ASXL3: variants seen among roughly 807,000 people sequenced by gnomAD.
ASXL3 encodes ASXL transcriptional regulator 3.
A neutral mutation model predicts 170.6 loss-of-function variants in ASXL3; 34 were observed. The ratio of observed to expected loss-of-function variants is 0.20; its 90% CI spans 0.15 to 0.27. The LOEUF is 0.27. ASXL3 is among the 10% of genes least tolerant of loss of function. The pLI is 1.00. For missense variants in ASXL3, 2,592 were observed against 2,695.3 expected, an observed-to-expected ratio of 0.96 and a Z score of 0.85; for synonymous variants, 1,002 against 989.1, an observed-to-expected ratio of 1.01 and a Z score of -0.24.
chr18:33,600,687 C>G (rs1370489706), intron 1 of ASXL3, among the ~76,000 whole-genome samples: 1 of 152,054 alleles, frequency 6.6e-6, no homozygotes, highest in East Asian at 1.9e-4. Flanking sequence ...AAAAAAGTTG[C>G]CAAAATCCTG....
chr18:33,710,528 G>A (rs919194523), intron 8 of ASXL3, among the ~76,000 whole-genome samples: 6 of 152,168 alleles, frequency 3.9e-5, no homozygotes, highest in African/African-American at 1.4e-4. Context: ...TCTTCTGAAT[G>A]TGTGCTTCTG....
At chr18:33,686,484 A>T (rs1981359) in intron 8 of ASXL3, among the ~76,000 whole-genome samples, 16 of 152,116 alleles carry the variant, frequency 1.1e-4, no homozygotes, top group Middle Eastern at 3.4e-3. Flanking sequence ...GTATTGGAGA[A>T]GATTTTTATA....
rs1425462369 is a variant in ASXL3, at chr18:33,578,903, C to T, written c.54+218C>T. ...GCGCAGCGATTATCTCCGGGAGCCC[C>T]GCGTCCGGGACCGCCCGGGACACTT... On this transcript the variant is annotated intron_variant, in intron 1 of 11. Coordinates refer to ENST00000269197, the MANE Select transcript of ASXL3 (RefSeq NM_030632.3). 9.8e-5 allele frequency: 20 copies of T among 204,374 alleles called. No individual in the cohort carries two copies. The East Asian group carries it at 2.6e-3, about 27-fold the overall frequency. The allele number at this position is 204,374 out of a possible 1,614,324, so 12.7% of individuals were successfully genotyped here.
intron 2 of ASXL3, among the ~76,000 whole-genome samples, chr18:33,627,579 T>G (rs2065621084): frequency 6.6e-6 from 1 of 152,160 alleles, no homozygotes; most frequent in East Asian, 1.9e-4. Flanking sequence ...ACTCTTTTCC[T>G]TGGGACCCTT....
chr18:33,583,937 C>T (rs1599368359), intron 1 of ASXL3, among the ~76,000 whole-genome samples: 1 of 152,238 alleles, frequency 6.6e-6, no homozygotes, highest in African/African-American at 2.4e-5. Context: ...TACAAAGATA[C>T]ATCCTTAAGC....
At chr18:33,618,206 T>TG (rs1200257019) in intron 2 of ASXL3, among the ~76,000 whole-genome samples, 1 of 152,110 alleles carries the variant, frequency 6.6e-6, no homozygotes, top group African/African-American at 2.4e-5. Flanking sequence ...AAAAGACTAT[T>TG]TATCCTTTGT....
intron 8 of ASXL3, among the ~76,000 whole-genome samples, chr18:33,725,059 A>T (rs995658989): frequency 6.6e-6 from 1 of 152,134 alleles, no homozygotes; most frequent in Non-Finnish European, 1.5e-5. Flanking sequence ...TTACCTTTTA[A>T]AGAGAGTCAA....
intron 1 of ASXL3, among the ~76,000 whole-genome samples, chr18:33,583,304 C>G (rs949656023): frequency 6.6e-6 from 1 of 152,144 alleles, no homozygotes; most frequent in East Asian, 1.9e-4. Flanking sequence ...TCCAAAGGTA[C>G]ACAAGAGCAT....
At chr18:33,662,484 A>G (rs1269702097) in intron 5 of ASXL3, among the ~76,000 whole-genome samples, 1 of 152,192 alleles carries the variant, frequency 6.6e-6, no homozygotes, top group Admixed American at 6.5e-5. Context: ...ATGAAAGCAC[A>G]TGGTAGAGTG....
At chr18:33,660,222 G>A (rs1043572327) in intron 4 of ASXL3, among the ~76,000 whole-genome samples, 4 of 152,104 alleles carry the variant, frequency 2.6e-5, no homozygotes, top group Non-Finnish European at 5.9e-5. Context: ...TTACAAGAAA[G>A]CTGCAAGGAT....
chr18:33,592,460 T>G (rs2065086062), intron 1 of ASXL3, among the ~76,000 whole-genome samples: 1 of 152,222 alleles, frequency 6.6e-6, no homozygotes, highest in Admixed American at 6.5e-5. Flanking sequence ...CGTTTTTGTT[T>G]TGTTACCTCT....
rs201060600 is a variant in ASXL3 at position 33,666,783 on chromosome 18, T to TA, written c.478-3881dup. 8.6e-3 allele frequency among the ~76,000 whole-genome samples: 1,305 copies of TA among 151,334 alleles called. 18 individuals are homozygous for TA. The highest frequency in any genetic ancestry group is 0.029 in the African/African-American group (1,217 of 41,262). ...TCGATTGAACAACCCCCAACAGATG[T>TA]AAAAAAAAATAACTCAAGATTTGGG... is the stretch of plus-strand genomic sequence containing the variant. On this transcript the variant is annotated intron_variant, in intron 5 of 11. Coordinates refer to ENST00000269197, the MANE Select transcript of ASXL3 (RefSeq NM_030632.3).
chr18:33,613,428 GA>G (rs1408403561), intron 2 of ASXL3, among the ~76,000 whole-genome samples: 1 of 151,852 alleles, frequency 6.6e-6, no homozygotes, highest in Non-Finnish European at 1.5e-5. Context: ...TCTTAATAAG[GA>G]ATCCATAATC....
chr18:33,668,172 T>C (rs1367249371), intron 5 of ASXL3, among the ~76,000 whole-genome samples: 1 of 152,184 alleles, frequency 6.6e-6, no homozygotes, highest in Non-Finnish European at 1.5e-5. Context: ...TCTTCTGTAA[T>C]CCAAGTACTT....
chr18:33,596,299 G>C (rs1307885409), intron 1 of ASXL3, among the ~76,000 whole-genome samples: 1 of 152,068 alleles, frequency 6.6e-6, no homozygotes, highest in African/African-American at 2.4e-5. Context: ...ACTGTAGTAA[G>C]CCAGAGAGTA....
chr18:33,679,237 C>T (rs867141412), intron 7 of ASXL3, among the ~76,000 whole-genome samples: 1 of 151,968 alleles, frequency 6.6e-6, no homozygotes, highest in African/African-American at 2.4e-5. Context: ...ATTTTTGCCT[C>T]TAGGTTTGGC....
Position 33,746,235 on chromosome 18 carries a change from G to A in ASXL3, c.6387G>A (p.Glu2129=), listed in dbSNP as rs201148777. Residue 2129 remains glutamate, a synonymous_variant, in exon 12 of 12, where the codon GAG becomes GAA. Coordinates refer to ENST00000269197, the MANE Select transcript of ASXL3 (RefSeq NM_030632.3). ...ATTTCTCTTCCTATTTGCTTTCTGA[G>A]CCACAAAAGCCTTTTACCCAATTAG... ...SADFSSYLLS[E]PQKPFTQLAA... 1 of 1,613,910 alleles carries A rather than the reference G, an allele frequency of 6.2e-7. No individual in the cohort carries two copies. Among genetic ancestry groups the A allele is most frequent in the Non-Finnish European group, 8.5e-7 (1 of 1,179,884 alleles).
rs546837048 is a variant in ASXL3 at position 33,749,237 on chromosome 18, A to G, written c.*2642A>G. On this transcript the variant is annotated 3_prime_UTR_variant, in exon 12 of 12. Coordinates refer to ENST00000269197, the MANE Select transcript of ASXL3 (RefSeq NM_030632.3). ...TATTTTATAGGTTTCCATTTAATATATATATACACACAAAATCCAGTATAT... is the reference window on the plus strand; with the variant it reads ...TATTTTATAGGTTTCCATTTAATATGTATATACACACAAAATCCAGTATAT... 155 of 152,228 alleles carry G rather than the reference A, an allele frequency of 1.0e-3. No homozygotes were observed. The highest frequency in any genetic ancestry group is 3.6e-3 in the African/African-American group (150 of 41,566). The allele number at this position is 152,228 out of a possible 1,614,324, so 9.4% of individuals were successfully genotyped here.
chr18:33,612,497 A>G (rs769983286), intron 2 of ASXL3, among the ~76,000 whole-genome samples: 5 of 152,044 alleles, frequency 3.3e-5, no homozygotes, highest in Non-Finnish European at 7.4e-5. Context: ...TTCTAGTATC[A>G]ATGAGAATTC....
Sources: gnomAD v4.1 joint callset for allele counts (sites outside exome capture counted in the v4.1 genomes callset) on GRCh38, gnomAD v4.1.1 for gene constraint, MANE v1.5 for transcripts, NCBI Gene and HGNC (gene_info 2026-07-23, HGNC 2026-07-21) for gene names.